IQCJ: variants seen among roughly 807,000 people sequenced by gnomAD.
The protein encoded by IQCJ is IQ domain-containing protein J.
A neutral mutation model predicts 11.0 loss-of-function variants in IQCJ; 9 were observed. That is an observed-to-expected ratio of 0.82 (90% CI 0.49 to 1.43). The LOEUF (loss-of-function observed/expected upper bound fraction) is 1.43. Ranked by LOEUF, IQCJ falls within the 40% of genes most tolerant of loss-of-function variation. The pLI, the probability that IQCJ is intolerant of heterozygous loss-of-function variation, is 0.00. For missense variants in IQCJ, 146 were observed against 133.2 expected (o/e 1.10, Z -0.47); for synonymous variants, 55 against 51.3 (o/e 1.07, Z -0.31).
intron 1 of IQCJ, among the ~76,000 whole-genome samples, chr3:159,114,554 AC>A (rs10707735): frequency 0.68 from 102,958 of 151,352 alleles, 35,063 homozygotes; most frequent in Non-Finnish European, 0.71. Flanking sequence ...CCAGTGATCC[AC>A]CCCCCCTCGG....
Position 159,262,875 on chromosome 3 carries a change from A to G in IQCJ, c.*144A>G, listed in dbSNP as rs1172191015. 3.6e-6 allele frequency: 5 copies of G among 1,404,712 alleles called. No individual in the cohort carries two copies. 87.0% of individuals were successfully genotyped at this position (1,404,712 alleles called of 1,614,324 possible). ...CAAAATAAAGACACAATTCATAAGC[A>G]CAAAGTGAACTTTATCAAGTCTGGA... On this transcript the variant is annotated 3_prime_UTR_variant, in exon 4 of 4. Coordinates refer to ENST00000397832, the MANE Select transcript of IQCJ (RefSeq NM_001042706.3).
chr3:159,198,618 AGAC>A (rs1724133713), intron 1 of IQCJ, among the ~76,000 whole-genome samples: 1 of 152,248 alleles, frequency 6.6e-6, no homozygotes, highest in Non-Finnish European at 1.5e-5. Context: ...GGGATGAGTT[AGAC>A]CACTTGCCTG....
chr3:159,152,172 C>T (rs13327211), intron 1 of IQCJ, among the ~76,000 whole-genome samples: 33,516 of 151,976 alleles, frequency 0.22, 4,091 homozygotes, highest in African/African-American at 0.32. Flanking sequence ...GGGAAAATGG[C>T]CATCAAGTAG....
intron 1 of IQCJ, among the ~76,000 whole-genome samples, chr3:159,191,013 G>C (rs564030458): frequency 6.6e-6 from 1 of 152,158 alleles, no homozygotes; most frequent in South Asian, 2.1e-4. Flanking sequence ...CTATTCTCAG[G>C]GATTCTTGAA....
chr3:159,129,939 G>A (rs1275498657), intron 1 of IQCJ, among the ~76,000 whole-genome samples: 1 of 152,102 alleles, frequency 6.6e-6, no homozygotes, highest in African/African-American at 2.4e-5. Flanking sequence ...GCACAAGTGG[G>A]TGTGTGCAGA....
At chr3:159,198,174 A>G (rs1478210947) in intron 1 of IQCJ, among the ~76,000 whole-genome samples, 3 of 152,198 alleles carry the variant, frequency 2.0e-5, no homozygotes, top group African/African-American at 7.2e-5. Context: ...AGTTTCCTCA[A>G]TGGTTATAGG....
chr3:159,218,218 T>A lies in IQCJ; in HGVS notation c.10-27625T>A, dbSNP rs555253968. Among the ~76,000 whole-genome samples the A allele has an allele frequency of 2.6e-5, 4 of 152,148 alleles. No individual in the cohort carries two copies. The East Asian group carries it at 5.8e-4, about 22-fold the overall frequency. On this transcript the variant is annotated intron_variant, in intron 1 of 3. Transcript: ENST00000397832. The stretch of plus-strand genomic sequence containing the variant: ...AGTTTATTAAATTGAATATTCAAGG[T>A]CAAACAGCTAGCAAGGGGAATTGCT...
At chr3:159,206,257 C>A (rs1478958752) in intron 1 of IQCJ, among the ~76,000 whole-genome samples, 1 of 152,188 alleles carries the variant, frequency 6.6e-6, no homozygotes, top group Admixed American at 6.5e-5. Flanking sequence ...TTAAACTAAG[C>A]AATTTCTTCC....
intron 1 of IQCJ, among the ~76,000 whole-genome samples, chr3:159,091,037 A>G (rs539383267): frequency 6.6e-6 from 1 of 152,004 alleles, no homozygotes; most frequent in African/African-American, 2.4e-5. Context: ...TTTCAAAATG[A>G]TGTTAATATA....
chr3:159,263,127 G>T lies in IQCJ; in HGVS notation c.*396G>T, dbSNP rs1728315972. ...GGGTTGCAACTTAAATGTCTCCAGG[G>T]GCCAGGTAAGTCACCCTCATGACTG... On this transcript the variant is annotated 3_prime_UTR_variant, in exon 4 of 4. Coordinates refer to ENST00000397832, the MANE Select transcript of IQCJ (RefSeq NM_001042706.3). The T allele has an allele frequency of 1.1e-6, 1 of 945,268 alleles. No individual in the cohort carries two copies. The highest frequency in any genetic ancestry group is 5.9e-5 in the Admixed American group (1 of 17,080). The allele number at this position is 945,268 out of a possible 1,614,324, so 58.6% of individuals were successfully genotyped here. A position where few individuals can be genotyped will look rare whatever the true frequency, so the allele number is the denominator to read the frequency against.
At chr3:159,101,246 A>C (rs369165707) in intron 1 of IQCJ, among the ~76,000 whole-genome samples, 3,206 of 148,410 alleles carry the variant, frequency 0.022, 108 homozygotes, top group African/African-American at 0.077. Flanking sequence ...GTGCGCACAC[A>C]CACTGGCCTG....
intron 1 of IQCJ, among the ~76,000 whole-genome samples, chr3:159,141,085 C>G (rs537042000): frequency 1.0e-3 from 155 of 152,268 alleles, no homozygotes; most frequent in South Asian, 2.1e-3. Context: ...CATAAGAGAA[C>G]AAGAGGCCAG....
chr3:159,091,764 T>C (rs1452921091), intron 1 of IQCJ, among the ~76,000 whole-genome samples: 1 of 150,732 alleles, frequency 6.6e-6, no homozygotes, highest in Admixed American at 6.6e-5. Context: ...AATTTGAGTA[T>C]CAGAATGATA....
chr3:159,205,486 T>A (rs1724602565), intron 1 of IQCJ, among the ~76,000 whole-genome samples: 1 of 152,200 alleles, frequency 6.6e-6, no homozygotes, highest in African/African-American at 2.4e-5. Flanking sequence ...GTCTATGTGA[T>A]TGATCTCAGT....
At chr3:159,095,312 T>A (rs1717653076) in intron 1 of IQCJ, among the ~76,000 whole-genome samples, 1 of 151,850 alleles carries the variant, frequency 6.6e-6, no homozygotes, top group Non-Finnish European at 1.5e-5. Flanking sequence ...AGGAGCTGCT[T>A]ATTTTTGGAA....
intron 1 of IQCJ, among the ~76,000 whole-genome samples, chr3:159,227,021 A>G (rs1725896841): frequency 6.6e-6 from 1 of 152,218 alleles, no homozygotes; most frequent in South Asian, 2.1e-4. Context: ...CTTCCAGCTA[A>G]TACCAGACAG....
intron 1 of IQCJ, among the ~76,000 whole-genome samples, chr3:159,215,732 T>G (rs1725188729): frequency 6.6e-6 from 1 of 152,162 alleles, no homozygotes; most frequent in Non-Finnish European, 1.5e-5. Context: ...TCTACAATTT[T>G]CAGACTTGAA....
chr3:159,242,181 C>G (rs1247375292), intron 1 of IQCJ, among the ~76,000 whole-genome samples: 2 of 152,082 alleles, frequency 1.3e-5, no homozygotes, highest in Non-Finnish European at 2.9e-5. Flanking sequence ...GAAATGAGGT[C>G]AGAGAGATAG....
At chr3:159,162,633 A>G (rs561754012) in intron 1 of IQCJ, among the ~76,000 whole-genome samples, 3 of 152,172 alleles carry the variant, frequency 2.0e-5, no homozygotes, top group Non-Finnish European at 2.9e-5. Context: ...TGAATCCAGG[A>G]GCTGGTTTTT....
Sources: gnomAD v4.1 joint callset for allele counts (sites outside exome capture counted in the v4.1 genomes callset) on GRCh38, gnomAD v4.1.1 for gene constraint, MANE v1.5 for transcripts, NCBI Gene and HGNC (gene_info 2026-07-23, HGNC 2026-07-21) for gene names.